MAD1L1: variants seen among roughly 807,000 people sequenced by gnomAD.
MAD1L1 encodes the protein mitotic spindle assembly checkpoint protein MAD1.
MAD1L1 carries 95 observed loss-of-function variants against 96.9 expected under a neutral mutation model. The observed-to-expected ratio is 0.98, with a 90% CI of 0.83 to 1.16. The LOEUF (loss-of-function observed/expected upper bound fraction) is 1.16. MAD1L1 is among the 50% of genes most tolerant of loss of function. MAD1L1 has a pLI of 0.00. For synonymous variants in MAD1L1, 473 were observed against 396.6 expected, an observed-to-expected ratio of 1.19 and a Z score of -2.29; for missense variants, 1,007 against 954.4, an observed-to-expected ratio of 1.06 and a Z score of -0.73.
chr7:2,138,088 G>A (rs930403358), intron 11 of MAD1L1, among the ~76,000 whole-genome samples: 2 of 152,252 alleles, frequency 1.3e-5, no homozygotes, highest in African/African-American at 4.8e-5. Flanking sequence ...CACCAGGGCT[G>A]CACCCACGCT....
At chr7:1,925,699 A>G (rs528200172) in intron 17 of MAD1L1, among the ~76,000 whole-genome samples, 2 of 152,384 alleles carry the variant, frequency 1.3e-5, no homozygotes, top group South Asian at 4.1e-4. Flanking sequence ...ACTATGGTAC[A>G]TCTTAATGGA....
intron 10 of MAD1L1, among the ~76,000 whole-genome samples, chr7:2,183,348 T>C (rs1791295488): frequency 6.6e-6 from 1 of 152,186 alleles, no homozygotes. Context: ...GAAAAACTTG[T>C]ATCCAGAATA....
chr7:2,029,757 GCAGGGCACTCTGCATGACA>G (rs1473440749), intron 12 of MAD1L1, among the ~76,000 whole-genome samples: 1 of 152,052 alleles, frequency 6.6e-6, no homozygotes, highest in East Asian at 1.9e-4. Flanking sequence ...GGTGGCAGGC[GCAGGGCACTCTGCATGACA>G]CACCCAGGGC....
chr7:1,987,333 G>A (rs538674993), intron 14 of MAD1L1, among the ~76,000 whole-genome samples: 1 of 152,374 alleles, frequency 6.6e-6, no homozygotes, highest in East Asian at 1.9e-4. Context: ...GCTTGGACGG[G>A]CACACGGGTG....
intron 10 of MAD1L1, among the ~76,000 whole-genome samples, chr7:2,207,235 C>G (rs529088763): frequency 6.6e-6 from 1 of 152,126 alleles, no homozygotes; most frequent in East Asian, 1.9e-4. Context: ...TTACGATACT[C>G]TGAAATATAT....
intron 12 of MAD1L1, among the ~76,000 whole-genome samples, chr7:2,061,797 T>C (rs1784672668): frequency 1.3e-5 from 2 of 152,262 alleles, no homozygotes; most frequent in African/African-American, 4.8e-5. Flanking sequence ...AAAGTGGTAT[T>C]TTTATACAAT....
chr7:2,225,485 C>T lies in MAD1L1; in HGVS notation c.216G>A (p.Met72Ile). The T allele has an allele frequency of 1.2e-6, 2 of 1,614,218 alleles. No homozygotes were observed. The highest frequency in any genetic ancestry group is 1.7e-6 in the Non-Finnish European group (2 of 1,180,042). ...SHLIQVEREKMQMELSHKRAR... is the reference protein window; with the variant it reads ...SHLIQVEREKIQMELSHKRAR... ...CCCTCTTGTGACTCAGCTCCATCTGCATTTTCTCCCGCTCCACCTGGATGA... is the reference window on the plus strand; with the variant it reads ...CCCTCTTGTGACTCAGCTCCATCTGTATTTTCTCCCGCTCCACCTGGATGA... Residue 72 changes from methionine (M) to isoleucine (I), a missense_variant, in exon 4 of 19, where the codon ATG becomes ATA. Transcript: ENST00000265854.
chr7:1,952,874 T>C (rs1057066601), intron 16 of MAD1L1, among the ~76,000 whole-genome samples: 1 of 152,168 alleles, frequency 6.6e-6, no homozygotes, highest in African/African-American at 2.4e-5. Context: ...CATGCGTTAC[T>C]AAGAGTCCAG....
intron 15 of MAD1L1, among the ~76,000 whole-genome samples, chr7:1,978,586 C>T (rs1780751555): frequency 6.6e-6 from 1 of 152,162 alleles, no homozygotes. Context: ...ACCATGGCAC[C>T]TGCCCGGTCT....
At chr7:1,866,724 G>A (rs1583596443) in intron 18 of MAD1L1, among the ~76,000 whole-genome samples, 1 of 152,170 alleles carries the variant, frequency 6.6e-6, no homozygotes, top group Non-Finnish European at 1.5e-5. Context: ...AGGGAACATC[G>A]TGAAAACCAA....
intron 10 of MAD1L1, among the ~76,000 whole-genome samples, chr7:2,151,578 A>G (rs1045466246): frequency 3.9e-5 from 6 of 152,266 alleles, no homozygotes; most frequent in African/African-American, 1.2e-4. Context: ...AGGCAGGGTC[A>G]GGAGCATTTG....
At chr7:2,034,491 C>T (rs1437741265) in intron 12 of MAD1L1, among the ~76,000 whole-genome samples, 2 of 152,230 alleles carry the variant, frequency 1.3e-5, no homozygotes, top group African/African-American at 4.8e-5. Context: ...GCTAGGATTA[C>T]AGGCATGAGC....
At chr7:1,857,363 G>A (rs1784308928) in intron 18 of MAD1L1, among the ~76,000 whole-genome samples, 2 of 152,158 alleles carry the variant, frequency 1.3e-5, no homozygotes, top group Non-Finnish European at 2.9e-5. Context: ...AGGGCTGCCT[G>A]CCGGTGTCCT....
chr7:1,858,251 A>G (rs1784355243), intron 18 of MAD1L1, among the ~76,000 whole-genome samples: 1 of 152,220 alleles, frequency 6.6e-6, no homozygotes, highest in East Asian at 1.9e-4. Flanking sequence ...CGCCACAACC[A>G]GGAGATAGCG....
intron 12 of MAD1L1, among the ~76,000 whole-genome samples, chr7:2,057,075 T>G (rs1239031205): frequency 1.3e-5 from 2 of 152,046 alleles, no homozygotes; most frequent in African/African-American, 4.8e-5. Flanking sequence ...CTAAAGCGCC[T>G]CCCTTTCTTC....
chr7:2,184,184 G>A (rs188561043), intron 10 of MAD1L1, among the ~76,000 whole-genome samples: 8,620 of 152,018 alleles, frequency 0.057, 367 homozygotes, highest in Non-Finnish European at 0.09. Context: ...TCCGGGAGGC[G>A]GAGCTTGCAG....
chr7:1,839,852 G>A (rs1783148543), intron 18 of MAD1L1, among the ~76,000 whole-genome samples: 1 of 151,824 alleles, frequency 6.6e-6, no homozygotes. Context: ...AGGTCAGCAA[G>A]CCACAGGTCC....
At chr7:2,204,793 CTTAGA>C (rs560543379) in intron 10 of MAD1L1, among the ~76,000 whole-genome samples, 44 of 152,302 alleles carry the variant, frequency 2.9e-4, no homozygotes, top group Admixed American at 6.5e-4. Context: ...TTGGGTTTCT[CTTAGA>C]TTAAATACCG....
chr7:1,988,949 C>T (rs1389954104), intron 14 of MAD1L1, among the ~76,000 whole-genome samples: 1 of 152,368 alleles, frequency 6.6e-6, no homozygotes, highest in East Asian at 1.9e-4. Context: ...CCCTGATGCC[C>T]AGCAAGACTG....
Sources: allele counts gnomAD v4.1 joint callset (sites outside exome capture counted in the v4.1 genomes callset), GRCh38; gene constraint gnomAD v4.1.1; transcripts MANE v1.5; gene names NCBI Gene and HGNC (gene_info 2026-07-23, HGNC 2026-07-21).